OR2C1: variants seen among roughly 807,000 people sequenced by gnomAD.
OR2C1 encodes olfactory receptor family 2 subfamily C member 1.
For synonymous variants in OR2C1, 209 were observed against 167.3 expected, an observed-to-expected ratio of 1.25 and a Z score of -1.92; for missense variants, 468 against 388.3, an observed-to-expected ratio of 1.21 and a Z score of -1.73.
At chr16:3,328,906 T>C in the OR2C1 span, among the ~76,000 whole-genome samples, 1 of 152,020 alleles carries the variant, frequency 6.6e-6, no homozygotes, top group Non-Finnish European at 1.5e-5. Flanking sequence ...TTTCCTTCAC[T>C]TACTTTATCA....
At chr16:3,327,844 T>C in the OR2C1 span, among the ~76,000 whole-genome samples, 2 of 151,390 alleles carry the variant, frequency 1.3e-5, no homozygotes, top group Non-Finnish European at 2.9e-5. Context: ...TTGCATTGGC[T>C]TTAATTTTTT....
At chr16:3,350,419 G>GT in the OR2C1 span, among the ~76,000 whole-genome samples, 228 of 134,876 alleles carry the variant, frequency 1.7e-3, 1 homozygote, top group Middle Eastern at 9.7e-3. Context: ...TTTTTTTTGT[G>GT]TTTTTTTTTT....
the OR2C1 span, among the ~76,000 whole-genome samples, chr16:3,341,317 ATTAAT>A: frequency 2.0e-5 from 3 of 152,088 alleles, no homozygotes; most frequent in Non-Finnish European, 2.9e-5. Context: ...ACTTTGCTGA[ATTAAT>A]TTATTAGTTT....
chr16:3,339,496 G>C, the OR2C1 span, among the ~76,000 whole-genome samples: 2 of 151,938 alleles, frequency 1.3e-5, no homozygotes, highest in Non-Finnish European at 2.9e-5. Context: ...TTGCTCTGTC[G>C]CCCAGGCTGG....
At chr16:3,325,360 C>G in the OR2C1 span, among the ~76,000 whole-genome samples, 166 of 151,532 alleles carry the variant, frequency 1.1e-3, 3 homozygotes, top group East Asian at 0.031. Context: ...CTTAAGTGAT[C>G]CTCCTGCCTT....
the OR2C1 span, among the ~76,000 whole-genome samples, chr16:3,327,193 A>C: frequency 6.6e-6 from 1 of 152,168 alleles, no homozygotes; most frequent in African/African-American, 2.4e-5. Context: ...AAGGCCTTAA[A>C]AATCACCAAC....
Position 3,356,194 on chromosome 16 carries a change from T to G in OR2C1, c.254T>G (p.Leu85Ter). The G allele has an allele frequency of 6.2e-7, 1 of 1,614,204 alleles. No homozygotes were observed. The highest frequency in any genetic ancestry group is 8.5e-7 in the Non-Finnish European group (1 of 1,180,034). Reference sequence around the variant, plus strand: ...TCAGTCCCCCAAATGCTGATCAATTTATGGGGACCAGGCAAGACCATCAGC... The same window carrying G: ...TCAGTCCCCCAAATGCTGATCAATTGATGGGGACCAGGCAAGACCATCAGC... ...TSSVPQMLIN[L>*]WGPGKTISYG... Residue 85 changes from leucine to a stop codon, truncating the protein, a stop_gained, in exon 1 of 1, where the codon TTA becomes TGA. Transcript: ENST00000304936. LOFTEE classifies it low-confidence loss of function (END_TRUNC).
At chr16:3,327,524 C>G in the OR2C1 span, among the ~76,000 whole-genome samples, 1 of 151,900 alleles carries the variant, frequency 6.6e-6, no homozygotes, top group African/African-American at 2.4e-5. Flanking sequence ...AGAAGACCCT[C>G]TTGACCTCCT....
upstream of OR2C1, chr16:3,355,805 G>T: frequency 1.5e-6 from 1 of 649,230 alleles, no homozygotes; most frequent in Non-Finnish European, 2.6e-6. Context: ...AAAATAGGTT[G>T]TTACTTAACT....
the OR2C1 span, among the ~76,000 whole-genome samples, chr16:3,333,158 G>T: frequency 7.5e-6 from 1 of 133,316 alleles, no homozygotes. Context: ...TCATATGCCT[G>T]TAGGCCATAT....
At chr16:3,331,561 T>C in the OR2C1 span, among the ~76,000 whole-genome samples, 1 of 150,732 alleles carries the variant, frequency 6.6e-6, no homozygotes, top group Non-Finnish European at 1.5e-5. Context: ...AATTGATTTT[T>C]GTATAAGGTG....
the OR2C1 span, among the ~76,000 whole-genome samples, chr16:3,332,286 G>C: frequency 6.6e-6 from 1 of 151,448 alleles, no homozygotes; most frequent in African/African-American, 2.4e-5. Flanking sequence ...TGTAGAGACA[G>C]GGTCTTGCCA....
chr16:3,348,642 A>G, the OR2C1 span, among the ~76,000 whole-genome samples: 1 of 152,178 alleles, frequency 6.6e-6, no homozygotes, highest in Non-Finnish European at 1.5e-5. Context: ...GGCAGAAGCC[A>G]GACTGATCCT....
At chr16:3,325,463 A>C in the OR2C1 span, among the ~76,000 whole-genome samples, 7 of 79,342 alleles carry the variant, frequency 8.8e-5, no homozygotes, top group African/African-American at 2.4e-4. Context: ...GTCTAAAAAT[A>C]TATATATATA....
chr16:3,346,247 G>A, the OR2C1 span, among the ~76,000 whole-genome samples: 1 of 152,136 alleles, frequency 6.6e-6, no homozygotes, highest in Non-Finnish European at 1.5e-5. Flanking sequence ...CTCCCTGAGG[G>A]CATGGACTAT....
At chr16:3,345,485 C>CAA in the OR2C1 span, among the ~76,000 whole-genome samples, 1 of 142,162 alleles carries the variant, frequency 7.0e-6, no homozygotes, top group Admixed American at 7.0e-5. Flanking sequence ...GACTCTGTCT[C>CAA]AAAAAAAAAA....
the OR2C1 span, among the ~76,000 whole-genome samples, chr16:3,331,143 G>T: frequency 6.6e-6 from 1 of 152,142 alleles, no homozygotes; most frequent in African/African-American, 2.4e-5. Context: ...GCCAATGATG[G>T]TGAGCATTTT....
the OR2C1 span, chr16:3,323,901 T>A: frequency 2.3e-6 from 3 of 1,288,424 alleles, no homozygotes; most frequent in African/African-American, 4.4e-5. Flanking sequence ...ACCAAAGGGA[T>A]TTTTCTTTGC....
At chr16:3,355,087 T>G (rs115089297), upstream of OR2C1, among the ~76,000 whole-genome samples, 339 of 152,258 alleles carry the variant, frequency 2.2e-3, 2 homozygotes, top group African/African-American at 7.9e-3. Context: ...TTCATTTCCG[T>G]GTTAGCTCAT....
Sources: gnomAD v4.1 joint callset for allele counts (sites outside exome capture counted in the v4.1 genomes callset) on GRCh38, gnomAD v4.1.1 for gene constraint, MANE v1.5 for transcripts, NCBI Gene and HGNC (gene_info 2026-07-23, HGNC 2026-07-21) for gene names.